The following CDYL variants were observed in gnomAD, a reference collection of about 807,000 sequenced individuals.
CDYL encodes the protein chromodomain Y-like protein.
In CDYL, 8 loss-of-function variants were observed where a neutral mutation model predicts 47.3. The ratio of observed to expected loss-of-function variants is 0.17; its 90% confidence interval spans 0.10 to 0.31. The LOEUF (loss-of-function observed/expected upper bound fraction) is 0.31, where lower values mean the gene tolerates loss of function less well. Ranked by LOEUF, CDYL falls within the 10% of genes least tolerant of loss-of-function variation. The probability of loss-of-function intolerance (pLI) is 1.00; values close to 1 mark genes in which losing one functional copy is unlikely to be tolerated. For missense variants in CDYL, 471 were observed against 701.4 expected, an observed-to-expected ratio of 0.67 and a Z score of 3.71; for synonymous variants, 266 against 265.0, an observed-to-expected ratio of 1.00 and a Z score of -0.04.
At chr6:4,740,860 C>T (rs1055946829) in intron 3 of CDYL, among the ~76,000 whole-genome samples, 2 of 151,130 alleles carry the variant, frequency 1.3e-5, no homozygotes, top group Non-Finnish European at 2.9e-5. Context: ...GATCTCTGCT[C>T]ACTGCAACCT....
intron 2 of CDYL, among the ~76,000 whole-genome samples, chr6:4,920,980 A>C (rs1757695979): frequency 7.5e-6 from 1 of 132,762 alleles, no homozygotes; most frequent in South Asian, 2.7e-4. Flanking sequence ...CAGTAACTGC[A>C]CCAGCATGAT....
At chr6:4,905,404 G>GTCTC (rs1295993982) in intron 2 of CDYL, among the ~76,000 whole-genome samples, 1 of 152,176 alleles carries the variant, frequency 6.6e-6, no homozygotes. Flanking sequence ...GACCTGAACT[G>GTCTC]TCTCCTCAGC....
At chr6:4,932,721 C>A (rs894419428) in intron 2 of CDYL, among the ~76,000 whole-genome samples, 1 of 152,220 alleles carries the variant, frequency 6.6e-6, no homozygotes, top group Non-Finnish European at 1.5e-5. Flanking sequence ...TCCCAACATG[C>A]CAGCACCGTG....
intron 1 of CDYL, among the ~76,000 whole-genome samples, chr6:4,784,804 C>G (rs955102116): frequency 3.3e-5 from 5 of 152,112 alleles, no homozygotes. Flanking sequence ...ATGGGAGGGA[C>G]CCTGTGGGAG....
chr6:4,873,370 T>C (rs905831077), intron 1 of CDYL, among the ~76,000 whole-genome samples: 16 of 151,978 alleles, frequency 1.1e-4, no homozygotes, highest in African/African-American at 3.9e-4. Flanking sequence ...GCAAAAGGGG[T>C]ATATTTAATT....
chr6:4,788,485 A>C (rs1173552739), intron 1 of CDYL, among the ~76,000 whole-genome samples: 2 of 148,502 alleles, frequency 1.3e-5, no homozygotes, highest in African/African-American at 5.1e-5. Context: ...TCTGTCAAAA[A>C]AAAAAAAAAA....
chr6:4,885,429 G>T (rs1476756080), intron 1 of CDYL, among the ~76,000 whole-genome samples: 1 of 152,144 alleles, frequency 6.6e-6, no homozygotes, highest in East Asian at 1.9e-4. Flanking sequence ...CCTCATTAGT[G>T]ACTTAGTAGC....
intron 2 of CDYL, among the ~76,000 whole-genome samples, chr6:4,923,726 C>T (rs1271938192): frequency 6.6e-6 from 1 of 151,990 alleles, no homozygotes; most frequent in Admixed American, 6.6e-5. Flanking sequence ...GAAACCCCGT[C>T]TCTACTAAAA....
intron 3 of CDYL, among the ~76,000 whole-genome samples, chr6:4,741,950 T>C (rs1757804089): frequency 6.6e-6 from 1 of 152,218 alleles, no homozygotes; most frequent in African/African-American, 2.4e-5. Context: ...CATGTCTGCA[T>C]GTGCCTCCTC....
intron 3 of CDYL, 88 bp from the exon 4 acceptor site, chr6:4,937,477 C>CA: frequency 9.4e-7 from 1 of 1,060,394 alleles, no homozygotes. Context: ...ACCTGAGCAA[C>CA]AGAGTGAGAC....
chr6:4,842,039 T>G (rs1412402606), intron 1 of CDYL, among the ~76,000 whole-genome samples: 1 of 144,796 alleles, frequency 6.9e-6, no homozygotes, highest in Non-Finnish European at 1.5e-5. Context: ...ATATATAATT[T>G]ATATATATTA....
intron 2 of CDYL, among the ~76,000 whole-genome samples, chr6:4,734,480 C>T (rs1327108483): frequency 6.6e-6 from 1 of 152,224 alleles, no homozygotes; most frequent in African/African-American, 2.4e-5. Flanking sequence ...ACTTGGCCCA[C>T]AGCACATCCT....
chr6:4,943,782 A>AAT, intron 5 of CDYL, 26 bp downstream of exon 5: 2 of 1,521,166 alleles, frequency 1.3e-6, no homozygotes, highest in Non-Finnish European at 1.8e-6. Context: ...AAAAAAAAAA[A>AAT]AAAAAGTCAT....
intron 1 of CDYL, among the ~76,000 whole-genome samples, chr6:4,782,091 C>T (rs7746532): frequency 0.069 from 10,394 of 151,168 alleles, 960 homozygotes; most frequent in African/African-American, 0.21. Flanking sequence ...ATCTGCCTGG[C>T]GGAAGAGGAG....
At chr6:4,908,050 T>C (rs1287488113) in intron 2 of CDYL, among the ~76,000 whole-genome samples, 4 of 152,224 alleles carry the variant, frequency 2.6e-5, no homozygotes, top group African/African-American at 7.2e-5. Flanking sequence ...TCATGGGCTG[T>C]CATTCCTCAA....
intron 6 of CDYL, among the ~76,000 whole-genome samples, chr6:4,952,680 A>G (rs978412475): frequency 6.6e-6 from 1 of 152,154 alleles, no homozygotes; most frequent in Non-Finnish European, 1.5e-5. Context: ...AACAACTAAC[A>G]TGGATATAAT....
chr6:4,792,877 G>A (rs1758964228), intron 1 of CDYL, among the ~76,000 whole-genome samples: 1 of 152,034 alleles, frequency 6.6e-6, no homozygotes, highest in Non-Finnish European at 1.5e-5. Flanking sequence ...CTGAGCTTGG[G>A]GTTCAACTTA....
intron 3 of CDYL, among the ~76,000 whole-genome samples, chr6:4,769,857 C>T (rs1758309575): frequency 6.6e-6 from 1 of 152,112 alleles, no homozygotes; most frequent in Admixed American, 6.5e-5. Flanking sequence ...AGTGCAGTGG[C>T]GCGATCTCGG....
At chr6:4,756,991 A>G (rs1441357103) in intron 3 of CDYL, among the ~76,000 whole-genome samples, 3 of 152,226 alleles carry the variant, frequency 2.0e-5, no homozygotes, top group Non-Finnish European at 4.4e-5. Flanking sequence ...TTATTTGATG[A>G]CTGAAGGGTA....
Sources: allele counts gnomAD v4.1 joint callset (sites outside exome capture counted in the v4.1 genomes callset), GRCh38; gene constraint gnomAD v4.1.1; transcripts MANE v1.5; gene names NCBI Gene and HGNC (gene_info 2026-07-23, HGNC 2026-07-21).